COG1: variants seen among roughly 807,000 people sequenced by gnomAD.
COG1 encodes the protein conserved oligomeric Golgi complex subunit 1.
In COG1, 61 loss-of-function variants were observed where a neutral mutation model predicts 102.2. The ratio of observed to expected loss-of-function variants is 0.60; its 90% CI spans 0.49 to 0.74. The LOEUF (loss-of-function observed/expected upper bound fraction) is 0.74. Ranked by LOEUF, COG1 falls within the 30% of genes least tolerant of loss-of-function variation. The probability of loss-of-function intolerance (pLI) is 0.00; values close to 1 mark genes in which losing one functional copy is unlikely to be tolerated. For synonymous variants in COG1, 454 were observed against 493.6 expected (o/e 0.92, Z 1.06); for missense variants, 1,164 against 1,232.1 (o/e 0.94, Z 0.83).
Position 73,208,492 on chromosome 17 carries a change from C to CATT in COG1, c.*45_*47dup, listed in dbSNP as rs780696399. On this transcript the variant is annotated 3_prime_UTR_variant, in exon 14 of 14. Transcript: ENST00000299886. ...GTCTCTCCCTAAATAAATACTACCA[C>CATT]ATTATTTCTTCTAAAGGTGCCTCTG... 4 of 1,601,304 alleles carry CATT rather than the reference C, an allele frequency of 2.5e-6. No homozygotes were observed. Among genetic ancestry groups the CATT allele is most frequent in the Non-Finnish European group, 3.4e-6 (4 of 1,169,788 alleles).
intron 1 of COG1, among the ~76,000 whole-genome samples, chr17:73,193,715 AACGCTC>A (rs1416113823): frequency 2.0e-5 from 3 of 152,184 alleles, no homozygotes; most frequent in Admixed American, 2.0e-4. Context: ...TTGACAGTTC[AACGCTC>A]ACCTATATAA....
intron 5 of COG1, among the ~76,000 whole-genome samples, chr17:73,200,358 G>GGGTA (rs566239075): frequency 1.4e-4 from 21 of 152,286 alleles, no homozygotes; most frequent in Admixed American, 4.6e-4. Flanking sequence ...GGGGAAGCAA[G>GGGTA]GGTAGGCCTG....
intron 1 of COG1, among the ~76,000 whole-genome samples, chr17:73,193,838 T>C (rs1192522937): frequency 6.6e-6 from 1 of 152,136 alleles, no homozygotes; most frequent in Non-Finnish European, 1.5e-5. Context: ...CAAGAATAAC[T>C]TCCACAACCC....
chr17:73,206,685 C>A, intron 11 of COG1, 23 bp from the exon 12 acceptor site: 5 of 1,402,900 alleles, frequency 3.6e-6, no homozygotes, highest in Non-Finnish European at 5.0e-6. Context: ...AATGAAACCT[C>A]TGCTCCACCT....
intron 1 of COG1, among the ~76,000 whole-genome samples, chr17:73,194,814 G>T (rs1389181941): frequency 6.6e-6 from 1 of 152,158 alleles, no homozygotes; most frequent in Non-Finnish European, 1.5e-5. Context: ...GGGCATGAAG[G>T]GTGAAAAAGG....
intron 9 of COG1, among the ~76,000 whole-genome samples, chr17:73,204,534 T>TA (rs2061360171): frequency 6.6e-6 from 1 of 151,252 alleles, no homozygotes. Flanking sequence ...CCTTGGTGTA[T>TA]AATCCCATTT....
rs774233983 is a variant in COG1, at chr17:73,206,795, C to T, written c.2707C>T (p.Pro903Ser). 20 of 1,613,594 alleles carry T rather than the reference C, an allele frequency of 1.2e-5. No individual in the cohort carries two copies. In the South Asian group the frequency reaches 2.2e-4, roughly 18 times the overall value. The change falls in exon 12 of 14, where the codon CCA (proline) becomes TCA (serine). Residue 903 changes from proline (P) to serine (S), a missense_variant. Coordinates refer to ENST00000299886, the MANE Select transcript of COG1 (RefSeq NM_018714.3). ...FNSQEPHNIL[P>S]LASSQIRFGL... is the part of the protein sequence containing the mutation. ...CTCCCAAGAACCCCATAACATCCTG[C>T]CACTGGCATCCAGTCAGATCAGGTA...
intron 13 of COG1, chr17:73,208,076 G>A: frequency 7.1e-7 from 1 of 1,416,728 alleles, no homozygotes; most frequent in South Asian, 1.5e-5. Flanking sequence ...AAGTGCCTGT[G>A]TCTACCCTTT....
chr17:73,198,849 G>A (rs542089062), intron 4 of COG1, among the ~76,000 whole-genome samples: 2 of 152,232 alleles, frequency 1.3e-5, no homozygotes, highest in South Asian at 4.1e-4. Flanking sequence ...TGACAAAGGA[G>A]ATACAGCCAA....
intron 13 of COG1, chr17:73,207,643 C>G (rs762254482): frequency 1.7e-5 from 21 of 1,253,332 alleles, no homozygotes; most frequent in Non-Finnish European, 2.1e-5. Flanking sequence ...TGGGAAGTAA[C>G]AGAAAATTTG....
At chr17:73,195,569 G>A (rs547690158) in intron 1 of COG1, among the ~76,000 whole-genome samples, 1 of 147,532 alleles carries the variant, frequency 6.8e-6, no homozygotes, top group East Asian at 2.0e-4. Flanking sequence ...AGCCATGATC[G>A]CACCACTGCA....
Position 73,201,634 on chromosome 17 carries a change from C to T in COG1, c.1807C>T (p.Leu603Phe), listed in dbSNP as rs2061347539. The change falls in exon 7 of 14, where the codon CTC becomes TTC. Residue 603 changes from leucine to phenylalanine, a missense_variant. Physicochemically the swap from Leu to Phe is conservative, Grantham distance 22. Coordinates refer to ENST00000299886, the MANE Select transcript of COG1 (RefSeq NM_018714.3). Reference sequence around the variant, plus strand: ...GGGTGTGCAAGGGCAACAGGATGCCCTCAACAGTGCCAAGCTGCACTCAGT... The same window carrying T: ...GGGTGTGCAAGGGCAACAGGATGCCTTCAACAGTGCCAAGCTGCACTCAGT... ...EEGVQGQQDALNSAKLHSVLF... is the reference protein window; with the variant it reads ...EEGVQGQQDAFNSAKLHSVLF... The T allele has an allele frequency of 6.2e-7, 1 of 1,614,222 alleles. No individual in the cohort carries two copies. The highest frequency in any genetic ancestry group is 8.5e-7 in the Non-Finnish European group (1 of 1,180,048).
rs773233123 is a variant in COG1 at position 73,201,259 on chromosome 17, G to C, written c.1432G>C (p.Glu478Gln). The C allele has an allele frequency of 8.7e-6, 14 of 1,614,108 alleles. No homozygotes were observed. Among genetic ancestry groups the C allele is most frequent in the Non-Finnish European group, 1.2e-5 (14 of 1,180,042 alleles). Residue 478 changes from glutamate to glutamine, a missense_variant, in exon 7 of 14, where the codon GAG (glutamate) becomes CAG (glutamine). Physicochemically the swap from Glu to Gln is conservative, Grantham distance 29. Coordinates refer to ENST00000299886, the MANE Select transcript of COG1 (RefSeq NM_018714.3). ...EYNMSLFLWSESPNDLPSDAA... is the reference protein window; with the variant it reads ...EYNMSLFLWSQSPNDLPSDAA... ...CAACATGTCGCTCTTCCTCTGGTCT[G>C]AGAGTCCTAATGACCTGCCTTCCGA...
At chr17:73,208,224 G>T (rs975248419) in intron 13 of COG1, 90 bp from the exon 14 acceptor site, 1 of 1,603,932 alleles carries the variant, frequency 6.2e-7, no homozygotes, top group Non-Finnish European at 8.5e-7. Context: ...TGTGTGTGCC[G>T]TGTGGACTCC....
chr17:73,194,490 A>G (rs367686835), intron 1 of COG1, among the ~76,000 whole-genome samples: 16 of 131,834 alleles, frequency 1.2e-4, no homozygotes, highest in East Asian at 6.2e-4. Flanking sequence ...TTGAGACAGG[A>G]TCTCGCTCTG....
chr17:73,203,556 A>G, intron 8 of COG1, 76 bp from the exon 9 acceptor site: 1 of 1,567,160 alleles, frequency 6.4e-7, no homozygotes, highest in Non-Finnish European at 8.8e-7. Context: ...GCCTTGTAAG[A>G]TTAAGTGGAT....
At chr17:73,193,456 G>GC (rs2061310979) in intron 1 of COG1, 72 bp downstream of exon 1, 1 of 1,342,768 alleles carries the variant, frequency 7.4e-7, no homozygotes, top group East Asian at 2.9e-5. Context: ...GGTCAACCCC[G>GC]CCCCCCTCTG....
chr17:73,196,361 G>A, intron 1 of COG1, 146 bp from the exon 2 acceptor site: 1 of 1,183,196 alleles, frequency 8.5e-7, no homozygotes, highest in Non-Finnish European at 1.2e-6. Flanking sequence ...TCTACACTGG[G>A]CTTTGATGAC....
intron 11 of COG1, 82 bp from the exon 12 acceptor site, chr17:73,206,626 T>C: frequency 1.1e-6 from 1 of 889,836 alleles, no homozygotes; most frequent in South Asian, 1.4e-5. Flanking sequence ...ACGGTAGCGA[T>C]GGGTGACTAA....
Sources: gnomAD v4.1 joint callset for allele counts (sites outside exome capture counted in the v4.1 genomes callset) on GRCh38, gnomAD v4.1.1 for gene constraint, MANE v1.5 for transcripts, NCBI Gene and HGNC (gene_info 2026-07-23, HGNC 2026-07-21) for gene names.